Variants in MTFR1 observed in about 807,000 individuals in gnomAD.
MTFR1 encodes the protein chondrocyte protein with a poly-proline region.
Under a neutral mutation model 38.8 loss-of-function variants are expected in MTFR1, and 28 were observed. The observed-to-expected ratio is 0.72, with a 90% CI of 0.53 to 0.99. The LOEUF (loss-of-function observed/expected upper bound fraction) is 0.99, where lower values mean the gene tolerates loss of function less well. MTFR1 is among the 50% of genes least tolerant of loss of function. MTFR1 has a pLI of 0.00. For missense variants in MTFR1, 358 were observed against 395.5 expected (o/e 0.91, Z 0.81); for synonymous variants, 145 against 137.0 (o/e 1.06, Z -0.41).
At chr8:65,736,140 TAAC>T (rs1227004640) in intron 3 of MTFR1, among the ~76,000 whole-genome samples, 3 of 152,178 alleles carry the variant, frequency 2.0e-5, no homozygotes, top group African/African-American at 7.2e-5. Context: ...AGAACGATTA[TAAC>T]AATAAGCCAG....
chr8:65,657,480 A>G (rs542371742), intron 1 of MTFR1, among the ~76,000 whole-genome samples: 1 of 152,162 alleles, frequency 6.6e-6, no homozygotes, highest in African/African-American at 2.4e-5. Flanking sequence ...AGGCAGGAGT[A>G]TTGCCTGAGC....
At chr8:65,665,805 C>G (rs562663064) in intron 1 of MTFR1, among the ~76,000 whole-genome samples, 9 of 152,314 alleles carry the variant, frequency 5.9e-5, no homozygotes, top group East Asian at 1.9e-4. Flanking sequence ...GCTACTTTAC[C>G]AACTTTGGTT....
At position 65,693,388 on chromosome 8, in the gene MTFR1, C is replaced by T. The variant is rs1805340386; in HGVS notation, c.166-256C>T. On this transcript the variant is annotated intron_variant, in intron 3 of 7. Coordinates refer to ENST00000262146, the MANE Select transcript of MTFR1 (RefSeq NM_014637.4). ...CTGCACTCCAGCCTGGGCGACAGAG[C>T]TAGACTTTGTCTCAAAAAAAAAAAA... is the stretch of plus-strand genomic sequence containing the variant. 3.3e-5 allele frequency among the ~76,000 whole-genome samples: 5 copies of T among 150,770 alleles called. No homozygotes were observed. The South Asian group carries it at 1.1e-3, about 32-fold the overall frequency.
intron 3 of MTFR1, among the ~76,000 whole-genome samples, chr8:65,734,155 C>CTGT (rs1563476456): frequency 2.0e-5 from 3 of 152,126 alleles, no homozygotes; most frequent in African/African-American, 7.2e-5. Context: ...CAAGCCTTAC[C>CTGT]CCCAAAACTT....
downstream of MTFR1, chr8:65,714,198 A>G (rs1243277024): frequency 1.3e-5 from 2 of 150,180 alleles, no homozygotes; most frequent in African/African-American, 2.5e-5. Context: ...CCTTTATTAT[A>G]TATCTAGTGC....
chr8:65,757,714 G>A (rs1163428662), intron 3 of MTFR1, among the ~76,000 whole-genome samples: 2 of 152,154 alleles, frequency 1.3e-5, no homozygotes, highest in Non-Finnish European at 2.9e-5. Flanking sequence ...TGCTTCCCGG[G>A]TCCAAGTGAT....
intron 3 of MTFR1, among the ~76,000 whole-genome samples, chr8:65,760,960 T>C (rs1343638682): frequency 2.0e-5 from 3 of 152,012 alleles, no homozygotes; most frequent in Admixed American, 1.3e-4. Context: ...GGAACAAGAG[T>C]GACTATGAGA....
chr8:65,770,347 G>A (rs1267419655), intron 3 of MTFR1, among the ~76,000 whole-genome samples: 1 of 152,190 alleles, frequency 6.6e-6, no homozygotes, highest in Non-Finnish European at 1.5e-5. Flanking sequence ...CATAATCAGG[G>A]CAGAAGGCAA....
chr8:65,700,891 T>C (rs1046356795), intron 4 of MTFR1, among the ~76,000 whole-genome samples: 1 of 152,254 alleles, frequency 6.6e-6, no homozygotes, highest in Non-Finnish European at 1.5e-5. Context: ...CTGATAGCTT[T>C]TCTTCACAGG....
chr8:65,714,473 C>T (rs1806054097), downstream of MTFR1: 2 of 152,182 alleles, frequency 1.3e-5, no homozygotes, highest in South Asian at 4.2e-4. Context: ...CACCTGTAGA[C>T]CATGGGCTCT....
chr8:65,707,699 C>G (rs554477998), intron 6 of MTFR1, 144 bp from the exon 7 acceptor site: 7 of 1,033,292 alleles, frequency 6.8e-6, no homozygotes, highest in African/African-American at 6.4e-5. Flanking sequence ...AGGCTTCCAT[C>G]TCAATGCTAG....
rs185113608 is a variant in MTFR1 at position 65,763,088 on chromosome 8, T to C, written c.*49-7859T>C. Among the ~76,000 whole-genome samples, 773 of 151,148 alleles carry C rather than the reference T, an allele frequency of 5.1e-3. 6 individuals carry two copies. The highest frequency in any genetic ancestry group is 6.3e-3 in the Non-Finnish European group (426 of 67,840). On this transcript the variant is annotated intron_variant, in intron 3 of 3. Coordinates refer to the MTFR1 transcript ENST00000521247. Reference sequence around the variant, plus strand: ...TTCAGTATGAACCAAAGAAATAAATTAGCCACTCGTAATCTAAAAATTAGA... The same window carrying C: ...TTCAGTATGAACCAAAGAAATAAATCAGCCACTCGTAATCTAAAAATTAGA...
Position 65,699,467 on chromosome 8 carries a change from A to C in MTFR1, c.282-5227A>C, listed in dbSNP as rs188118827. ...ATTTACATTCCCACCAGCAGGGTAT[A>C]AGTATTCCCCTTCTTTGCAACCGCA... On this transcript the variant is annotated intron_variant, in intron 4 of 7. Transcript: ENST00000262146. Among the ~76,000 whole-genome samples the C allele has an allele frequency of 4.5e-4, 69 of 152,320 alleles. 1 individual carries two copies. The East Asian group carries it at 0.013, about 28-fold the overall frequency.
chr8:65,674,710 A>C (rs775788749), intron 2 of MTFR1, among the ~76,000 whole-genome samples: 32 of 152,130 alleles, frequency 2.1e-4, no homozygotes, highest in Middle Eastern at 3.2e-3. Flanking sequence ...TGATTGGCTC[A>C]TTGTCTTTGA....
chr8:65,730,171 C>CTTTTTTTTTTTTTTTTTTTTTTTTTT (rs1179431555), intron 3 of MTFR1, among the ~76,000 whole-genome samples: 1 of 86,448 alleles, frequency 1.2e-5, no homozygotes, highest in African/African-American at 4.8e-5. Flanking sequence ...TTGCGCACTT[C>CTTTTTTTTTTTTTTTTTTTTTTTTTT]TTTTTTTTTT....
At chr8:65,703,942 G>A (rs1453910351) in intron 4 of MTFR1, among the ~76,000 whole-genome samples, 2 of 151,954 alleles carry the variant, frequency 1.3e-5, no homozygotes, top group Non-Finnish European at 1.5e-5. Flanking sequence ...CGCAGGGCTC[G>A]GTGGCTCATG....
At chr8:65,730,838 G>A (rs770183644) in intron 3 of MTFR1, among the ~76,000 whole-genome samples, 11 of 152,152 alleles carry the variant, frequency 7.2e-5, no homozygotes, top group African/African-American at 1.2e-4. Flanking sequence ...CAAGAGAATC[G>A]CTTGAACCCA....
At chr8:65,680,061 G>C (rs917414280) in intron 2 of MTFR1, among the ~76,000 whole-genome samples, 4 of 151,672 alleles carry the variant, frequency 2.6e-5, no homozygotes, top group Admixed American at 1.3e-4. Flanking sequence ...GTAAGATTCA[G>C]TGAAACTTTG....
intron 3 of MTFR1, among the ~76,000 whole-genome samples, chr8:65,761,784 GT>G (rs989484747): frequency 6.6e-6 from 1 of 152,154 alleles, no homozygotes; most frequent in Admixed American, 6.5e-5. Context: ...TAAAAGACAT[GT>G]TTTTCTGTTG....
Sources: gnomAD v4.1 joint callset for allele counts (sites outside exome capture counted in the v4.1 genomes callset) on GRCh38, gnomAD v4.1.1 for gene constraint, MANE v1.5 for transcripts, NCBI Gene and HGNC (gene_info 2026-07-23, HGNC 2026-07-21) for gene names.